The following MTA3 variants were observed in gnomAD, a reference collection of about 807,000 sequenced individuals.
MTA3 encodes the protein metastasis associated 1 family member 3.
In MTA3, 34 loss-of-function variants were observed where a neutral mutation model predicts 83.5. The ratio of observed to expected loss-of-function variants is 0.41; its 90% CI spans 0.31 to 0.54. The LOEUF (loss-of-function observed/expected upper bound fraction) is 0.54, where lower values mean the gene tolerates loss of function less well. MTA3 is among the 20% of genes least tolerant of loss of function. The pLI is 0.33. For synonymous variants in MTA3, 303 were observed against 252.7 expected, an observed-to-expected ratio of 1.20 and a Z score of -1.89; for missense variants, 761 against 726.4, an observed-to-expected ratio of 1.05 and a Z score of -0.55.
At chr2:42,659,573 G>A in intron 7 of MTA3, 190 bp from the exon 8 acceptor site, 1 of 283,380 alleles carries the variant, frequency 3.5e-6, no homozygotes, top group Non-Finnish European at 6.4e-6. Flanking sequence ...TAGTAAATTG[G>A]CTTGTCAATT....
chr2:42,579,267 A>T, intron 3 of MTA3, 67 bp downstream of exon 3: 1 of 1,186,372 alleles, frequency 8.4e-7, no homozygotes, highest in Non-Finnish European at 1.2e-6. Context: ...AGGTGGAAAC[A>T]TGCTTTTTCT....
intron 2 of MTA3, chr2:42,532,671 A>G (rs1676032969): frequency 6.2e-6 from 1 of 162,294 alleles, no homozygotes; most frequent in Non-Finnish European, 1.3e-5. Flanking sequence ...TTTGGTTTAA[A>G]TATTTCTTTG....
At chr2:42,697,173 T>C (rs1231173352) in intron 10 of MTA3, among the ~76,000 whole-genome samples, 1 of 152,170 alleles carries the variant, frequency 6.6e-6, no homozygotes, top group African/African-American at 2.4e-5. Flanking sequence ...TGGATTTGAT[T>C]ATATAATCTC....
At chr2:42,591,579 G>A (rs950367077) in intron 3 of MTA3, among the ~76,000 whole-genome samples, 1 of 151,654 alleles carries the variant, frequency 6.6e-6, no homozygotes, top group African/African-American at 2.4e-5. Flanking sequence ...ACATTGAATG[G>A]CTATACAAAA....
chr2:42,639,537 C>T (rs1259020409), intron 4 of MTA3, among the ~76,000 whole-genome samples: 1 of 152,068 alleles, frequency 6.6e-6, no homozygotes, highest in Non-Finnish European at 1.5e-5. Flanking sequence ...CGTTAGTTTC[C>T]AAGCTCAGAT....
chr2:42,536,849 A>G (rs528996006), intron 2 of MTA3, among the ~76,000 whole-genome samples: 1 of 89,866 alleles, frequency 1.1e-5, no homozygotes, highest in East Asian at 3.2e-4. Flanking sequence ...ACAGAGTGAG[A>G]CCCCATCTCA....
chr2:42,694,359 T>C (rs908903531), intron 9 of MTA3, among the ~76,000 whole-genome samples: 1 of 152,160 alleles, frequency 6.6e-6, no homozygotes, highest in Admixed American at 6.5e-5. Context: ...GTACCTAGGC[T>C]GTCTTCTAAG....
rs181961983 is a variant in MTA3 at position 42,608,122 on chromosome 2, A to G, written c.191-1336A>G. On this transcript the variant is annotated intron_variant, in intron 3 of 16. Transcript: ENST00000405094. ...TTTATGGTGAACCAAGGGATCGTAT[A>G]AGAACGTAAGATTTACTGTTGCTGT... Among the ~76,000 whole-genome samples, 89 of 152,336 alleles carry G rather than the reference A, an allele frequency of 5.8e-4. 1 individual carries two copies. Among genetic ancestry groups the G allele is most frequent in the African/African-American group, 2.1e-3 (88 of 41,584 alleles).
chr2:42,645,505 A>G (rs1250905833), intron 6 of MTA3, among the ~76,000 whole-genome samples: 1 of 149,698 alleles, frequency 6.7e-6, no homozygotes, highest in African/African-American at 2.5e-5. Flanking sequence ...AGCTTGGGCA[A>G]CAGAGTGAGA....
intron 3 of MTA3, among the ~76,000 whole-genome samples, chr2:42,580,908 T>C (rs1468172279): frequency 6.6e-6 from 1 of 152,156 alleles, no homozygotes; most frequent in Non-Finnish European, 1.5e-5. Context: ...CTTTGATTTA[T>C]AATCACTATG....
chr2:42,710,607 G>C (rs1666524171), intron 14 of MTA3, among the ~76,000 whole-genome samples: 1 of 150,788 alleles, frequency 6.6e-6, no homozygotes, highest in African/African-American at 2.4e-5. Flanking sequence ...TCCCACAGAA[G>C]GGGGATTACT....
chr2:42,584,086 G>A (rs914820996), intron 3 of MTA3, among the ~76,000 whole-genome samples: 4 of 150,888 alleles, frequency 2.7e-5, no homozygotes, highest in Non-Finnish European at 5.9e-5. Context: ...CAGGTGATAC[G>A]CCCACCTCTG....
At chr2:42,715,364 C>T (rs1018219787) in intron 14 of MTA3, among the ~76,000 whole-genome samples, 1 of 149,652 alleles carries the variant, frequency 6.7e-6, no homozygotes, top group Non-Finnish European at 1.5e-5. Context: ...TCTTTTCACT[C>T]TAATTTTTTC....
intron 3 of MTA3, among the ~76,000 whole-genome samples, chr2:42,606,177 C>T (rs1178910600): frequency 2.6e-5 from 2 of 77,628 alleles, no homozygotes; most frequent in Admixed American, 1.3e-4. Context: ...CCGGACGGGG[C>T]GGCTGGCCGG....
At chr2:42,634,523 T>C (rs993721559) in intron 4 of MTA3, among the ~76,000 whole-genome samples, 4 of 152,158 alleles carry the variant, frequency 2.6e-5, no homozygotes, top group Non-Finnish European at 5.9e-5. Flanking sequence ...GAACTCACTA[T>C]CATGAAACTG....
At chr2:42,657,255 G>C (rs1689255617) in intron 7 of MTA3, among the ~76,000 whole-genome samples, 1 of 152,194 alleles carries the variant, frequency 6.6e-6, no homozygotes. Context: ...GGAAAAAATA[G>C]TCTTGGCTCA....
In MTA3 at chr2:42,738,146, C is replaced by T. The variant is rs1483590161; in HGVS notation, c.1759+15111C>T. 2.6e-5 allele frequency among the ~76,000 whole-genome samples: 4 copies of T among 152,208 alleles called. No individual in the cohort carries two copies. The East Asian group carries it at 5.8e-4, about 22-fold the overall frequency. On this transcript the variant is annotated intron_variant, in intron 16 of 16. Coordinates refer to ENST00000405094, the MANE Select transcript of MTA3 (RefSeq NM_001330442.2). The stretch of plus-strand genomic sequence containing the variant: ...TCATGGTGGCATGTGCCTGTAGTCC[C>T]AGCTACTCGGGAGGCTGAGGTGGGA...
intron 2 of MTA3, among the ~76,000 whole-genome samples, chr2:42,527,052 CA>C (rs34030475): frequency 0.017 from 770 of 45,312 alleles, 1 homozygote; most frequent in African/African-American, 0.057. Flanking sequence ...GACTCTGTCT[CA>C]AAAAAAAAAA....
At chr2:42,709,166 T>G (rs1237792780) in intron 14 of MTA3, 70 bp downstream of exon 14, 5 of 1,199,312 alleles carry the variant, frequency 4.2e-6, no homozygotes, top group Non-Finnish European at 4.4e-6. Context: ...CTCTCTTTCC[T>G]TTTTTTTTTG....
Sources: allele counts gnomAD v4.1 joint callset (sites outside exome capture counted in the v4.1 genomes callset), GRCh38; gene constraint gnomAD v4.1.1; transcripts MANE v1.5; gene names NCBI Gene and HGNC (gene_info 2026-07-23, HGNC 2026-07-21).